ESR1: variants seen among roughly 807,000 people sequenced by gnomAD.
ESR1 encodes the protein estrogen receptor 1.
A neutral mutation model predicts 52.7 loss-of-function variants in ESR1; 12 were observed. The observed-to-expected ratio is 0.23, with a 90% CI of 0.15 to 0.37. ESR1 has a LOEUF of 0.37. Among genes scored for constraint, ESR1 ranks in the 10% least tolerant of loss-of-function variants. The probability of loss-of-function intolerance (pLI) is 1.00; values close to 1 mark genes in which losing one functional copy is unlikely to be tolerated. For synonymous variants in ESR1, 305 were observed against 316.8 expected, an observed-to-expected ratio of 0.96 and a Z score of 0.39; for missense variants, 584 against 779.7, an observed-to-expected ratio of 0.75 and a Z score of 2.99.
chr6:151,878,472 A>G (rs1792236470), intron 2 of ESR1, among the ~76,000 whole-genome samples: 1 of 152,194 alleles, frequency 6.6e-6, no homozygotes, highest in Non-Finnish European at 1.5e-5. Flanking sequence ...TTTATAATGT[A>G]TATTTAAAGA....
At chr6:151,696,401 G>A (rs1248245138) in intron 1 of ESR1, among the ~76,000 whole-genome samples, 1 of 152,000 alleles carries the variant, frequency 6.6e-6, no homozygotes, top group East Asian at 1.9e-4. Context: ...GAACCTGGGA[G>A]GCGGAGGTTG....
chr6:151,689,097 A>C (rs1328853262), upstream of ESR1, among the ~76,000 whole-genome samples: 1 of 152,236 alleles, frequency 6.6e-6, no homozygotes, highest in Non-Finnish European at 1.5e-5. Context: ...TATTTTGAGA[A>C]CTGTTGCTCT....
chr6:152,127,319 A>C (rs1011095864), exon 7 of ESR1: 3 of 152,170 alleles, frequency 2.0e-5, no homozygotes, highest in African/African-American at 4.8e-5. Flanking sequence ...TAAATTGGGA[A>C]TATAGCCATG....
chr6:152,018,596 G>A (rs1460592645), intron 5 of ESR1, among the ~76,000 whole-genome samples: 1 of 152,026 alleles, frequency 6.6e-6, no homozygotes, highest in African/African-American at 2.4e-5. Context: ...GGTGTTGGGG[G>A]TGGAAGGAGC....
At chr6:151,667,676 T>C (rs773434006) in intron 1 of ESR1, among the ~76,000 whole-genome samples, 5 of 152,162 alleles carry the variant, frequency 3.3e-5, no homozygotes, top group Non-Finnish European at 5.9e-5. Flanking sequence ...GAGAGTGCAA[T>C]GGATGGTAGT....
At chr6:151,807,591 AG>A (rs1263244741), upstream of ESR1, 25 of 490,408 alleles carry the variant, frequency 5.1e-5, no homozygotes, top group Admixed American at 6.5e-5. Flanking sequence ...TGTCAGGGCA[AG>A]GCAACAGTCC....
At chr6:151,665,071 G>A (rs1777773830) in intron 1 of ESR1, among the ~76,000 whole-genome samples, 1 of 152,154 alleles carries the variant, frequency 6.6e-6, no homozygotes, top group Non-Finnish European at 1.5e-5. Flanking sequence ...AAATAGCAGT[G>A]ATAAAAATCA....
chr6:151,994,092 C>G (rs79867010), intron 4 of ESR1, among the ~76,000 whole-genome samples: 358 of 152,256 alleles, frequency 2.4e-3, no homozygotes, highest in African/African-American at 7.5e-3. Flanking sequence ...AATGGGGAAA[C>G]TGAGTTACAG....
chr6:151,762,888 C>T (rs916846829), intron 2 of ESR1, among the ~76,000 whole-genome samples: 2 of 151,868 alleles, frequency 1.3e-5, no homozygotes, highest in African/African-American at 2.4e-5. Flanking sequence ...CGCAGTGAGC[C>T]GAGATCACGC....
chr6:151,860,693 A>C (rs1788711568), intron 2 of ESR1, among the ~76,000 whole-genome samples: 1 of 152,194 alleles, frequency 6.6e-6, no homozygotes, highest in Non-Finnish European at 1.5e-5. Context: ...AAAAAGAAAC[A>C]TGCACCTTAC....
intron 2 of ESR1, among the ~76,000 whole-genome samples, chr6:151,710,256 T>G (rs1780495930): frequency 6.6e-6 from 1 of 151,870 alleles, no homozygotes; most frequent in Non-Finnish European, 1.5e-5. Flanking sequence ...TTTATAATGT[T>G]AGCCTGGTTT....
upstream of ESR1, chr6:151,804,871 T>G (rs1777626564): frequency 6.6e-6 from 1 of 152,212 alleles, no homozygotes; most frequent in South Asian, 2.1e-4. Flanking sequence ...GTGTTAGTAC[T>G]ATGGCCGAGA....
intron 2 of ESR1, among the ~76,000 whole-genome samples, chr6:151,870,391 T>G (rs1583831470): frequency 6.6e-6 from 1 of 152,300 alleles, no homozygotes; most frequent in East Asian, 1.9e-4. Flanking sequence ...AATGATACCA[T>G]ATAGTAATTC....
intron 1 of ESR1, among the ~76,000 whole-genome samples, chr6:151,673,757 A>G (rs1196415687): frequency 6.6e-6 from 1 of 152,048 alleles, no homozygotes; most frequent in African/African-American, 2.4e-5. Context: ...TAGCGTGCAA[A>G]TGTATTGCCA....
rs1180359332 is a variant in ESR1 at position 152,069,103 on chromosome 6, C to T, written c.1369+7979C>T. ...GGTAACAGACCAGTACACCAAACAG[C>T]AGGAGCTGTAGCAGAGAAAGAGTTT... On this transcript the variant is annotated intron_variant, in intron 6 of 7. Coordinates refer to ENST00000206249, the MANE Select transcript of ESR1 (RefSeq NM_000125.4). 2.2e-5 allele frequency among the ~76,000 whole-genome samples: 3 copies of T among 137,210 alleles called. 1 individual carries two copies. 90.0% of individuals were successfully genotyped at this position (137,210 alleles called of 152,430 possible). A position where few individuals can be genotyped will look rare whatever the true frequency, so the allele number is the denominator to read the frequency against.
intron 1 of ESR1, among the ~76,000 whole-genome samples, chr6:151,657,389 A>G (rs1229655709): frequency 6.6e-6 from 1 of 152,162 alleles, no homozygotes; most frequent in Non-Finnish European, 1.5e-5. Context: ...ATCTATTGTT[A>G]AGTTAAATAT....
At chr6:152,075,982 C>T (rs1189119212) in intron 6 of ESR1, among the ~76,000 whole-genome samples, 1 of 152,148 alleles carries the variant, frequency 6.6e-6, no homozygotes, top group South Asian at 2.1e-4. Context: ...ATTTGAAATG[C>T]CTTACCAAAT....
At chr6:151,971,646 A>G (rs577086556) in intron 4 of ESR1, among the ~76,000 whole-genome samples, 2 of 152,298 alleles carry the variant, frequency 1.3e-5, no homozygotes, top group South Asian at 4.1e-4. Context: ...CCTCTGGGAT[A>G]CAGCAAAAGC....
chr6:151,906,084 ATGC>A (rs1490078423), intron 3 of ESR1, among the ~76,000 whole-genome samples: 1 of 152,218 alleles, frequency 6.6e-6, no homozygotes, highest in East Asian at 1.9e-4. Context: ...CAAAAAGTTA[ATGC>A]TGGACAGTAA....
Sources: gnomAD v4.1 joint callset for allele counts (sites outside exome capture counted in the v4.1 genomes callset) on GRCh38, gnomAD v4.1.1 for gene constraint, MANE v1.5 for transcripts, NCBI Gene and HGNC (gene_info 2026-07-23, HGNC 2026-07-21) for gene names.